The following MID1 variants were observed in gnomAD, a reference collection of about 807,000 sequenced individuals.
MID1 encodes E3 ubiquitin-protein ligase Midline-1.
A neutral mutation model predicts 40.4 loss-of-function variants in MID1; 7 were observed. The ratio of observed to expected loss-of-function variants is 0.17; its 90% CI spans 0.10 to 0.33. The LOEUF is 0.33. Ranked by LOEUF, MID1 falls within the 10% of genes least tolerant of loss-of-function variation. The pLI is 1.00. For missense variants in MID1, 367 were observed against 558.5 expected (o/e 0.66, Z 3.46); for synonymous variants, 229 against 221.2 (o/e 1.04, Z -0.31).
chrX:10,652,733 T>C (rs182551953), intron 1 of MID1, among the ~76,000 whole-genome samples: 149 of 111,647 alleles, frequency 1.3e-3, no homozygotes, highest in Non-Finnish European at 2.5e-3. Context: ...CCCCGTCAGT[T>C]CTTCACAGAC....
chrX:10,720,779 C>T (rs964264641), intron 1 of MID1, among the ~76,000 whole-genome samples: 1 of 110,401 alleles, frequency 9.1e-6, no homozygotes, highest in Non-Finnish European at 1.9e-5. Flanking sequence ...TTCACAATAG[C>T]AAAGACTTGG....
intron 8 of MID1, among the ~76,000 whole-genome samples, chrX:10,458,682 T>C (rs770585334): frequency 8.9e-6 from 1 of 111,885 alleles, no homozygotes; most frequent in South Asian, 3.8e-4. Flanking sequence ...AGCCACAGTC[T>C]TCTCATTCGT....
rs777441664 is a variant in MID1, at chrX:10,726,507, GAA to G, written c.-186-106090_-186-106089del. On this transcript the variant is annotated intron_variant, in intron 1 of 10. Transcript: ENST00000380785. ...TTAGTTGAGTGTTTCTTTCTCTGAG[GAA>G]AAAAAAAAACAGAATAAGAGATACA... Among the ~76,000 whole-genome samples the G allele has an allele frequency of 5.5e-4, 56 of 101,557 alleles. 1 individual carries two copies. Among genetic ancestry groups the G allele is most frequent in the African/African-American group, 1.8e-3 (52 of 28,460 alleles). 88.2% of individuals were successfully genotyped at this position (101,557 alleles called of 115,157 possible). A position where few individuals can be genotyped will look rare whatever the true frequency, so the allele number is the denominator to read the frequency against.
At chrX:10,820,683 G>T in intron 1 of MID1, among the ~76,000 whole-genome samples, 1 of 111,559 alleles carries the variant, frequency 9.0e-6, no homozygotes, top group South Asian at 3.7e-4. Flanking sequence ...CACTAATGGA[G>T]GTGCTGTGGC....
At chrX:10,590,944 CAATTT>C (rs1935284112) in intron 1 of MID1, among the ~76,000 whole-genome samples, 1 of 111,676 alleles carries the variant, frequency 9.0e-6, no homozygotes, top group Admixed American at 9.4e-5. Flanking sequence ...TCATTTTAAA[CAATTT>C]AATTCTCATT....
At chrX:10,564,206 A>G (rs1208535932) in intron 2 of MID1, among the ~76,000 whole-genome samples, 1 of 112,057 alleles carries the variant, frequency 8.9e-6, no homozygotes, top group Non-Finnish European at 1.9e-5. Flanking sequence ...CACATTTCAG[A>G]CCAAAGTAGT....
At position 10,590,868 on chromosome X, in the gene MID1, A is replaced by C. The variant is rs187989732; in HGVS notation, c.-56-23265T>G. Among the ~76,000 whole-genome samples the C allele has an allele frequency of 7.1e-5, 8 of 112,256 alleles. No individual in the cohort carries two copies. In the Admixed American group the frequency reaches 7.5e-4, roughly 11 times the overall value. Reference sequence around the variant, plus strand: ...CCTTATCCCCAAGGGAGTTGACTTAAGAGTTTTTTGTTGTTATTTTGCTTT... The same window carrying C: ...CCTTATCCCCAAGGGAGTTGACTTACGAGTTTTTTGTTGTTATTTTGCTTT... On this transcript the variant is annotated intron_variant, in intron 1 of 9. Transcript: ENST00000317552.
chrX:10,591,134 T>C (rs753037956), intron 1 of MID1, among the ~76,000 whole-genome samples: 5 of 112,281 alleles, frequency 4.5e-5, no homozygotes, highest in Non-Finnish European at 9.4e-5. Context: ...TTAAGAACAG[T>C]GAGCTTTCAA....
chrX:10,579,305 C>A (rs949913731), intron 1 of MID1, among the ~76,000 whole-genome samples: 2 of 111,803 alleles, frequency 1.8e-5, no homozygotes, highest in Non-Finnish European at 3.8e-5. Context: ...GAAAAGCTTG[C>A]CGCTTGGGGA....
intron 1 of MID1, among the ~76,000 whole-genome samples, chrX:10,816,267 A>T (rs927057716): frequency 4.5e-5 from 5 of 112,254 alleles, no homozygotes; most frequent in Admixed American, 3.8e-4. Flanking sequence ...ATATTGATAT[A>T]AACATAAACC....
intron 7 of MID1, among the ~76,000 whole-genome samples, chrX:10,461,562 A>G (rs1187973434): frequency 1.8e-5 from 2 of 111,746 alleles, no homozygotes; most frequent in Non-Finnish European, 3.8e-5. Context: ...ATAATGCCAC[A>G]GCCAAATATT....
At chrX:10,552,042 A>T (rs1022423044) in intron 2 of MID1, among the ~76,000 whole-genome samples, 5 of 110,872 alleles carry the variant, frequency 4.5e-5, no homozygotes, top group Non-Finnish European at 9.4e-5. Flanking sequence ...CTCCTGCCTC[A>T]GCCTCCCAAA....
At chrX:10,737,068 G>C (rs772277210) in intron 1 of MID1, among the ~76,000 whole-genome samples, 3 of 111,617 alleles carry the variant, frequency 2.7e-5, no homozygotes, top group Admixed American at 9.4e-5. Context: ...AAATACATAC[G>C]CACATTCTTA....
At chrX:10,453,995 T>C (rs1372587780) in intron 9 of MID1, among the ~76,000 whole-genome samples, 1 of 112,439 alleles carries the variant, frequency 8.9e-6, no homozygotes, top group Non-Finnish European at 1.9e-5. Flanking sequence ...TATGAGGGCT[T>C]GTTAAATAAA....
intron 3 of MID1, among the ~76,000 whole-genome samples, chrX:10,521,540 A>G (rs745965378): frequency 3.6e-5 from 4 of 111,467 alleles, no homozygotes; most frequent in African/African-American, 1.3e-4. Flanking sequence ...TTAAAAGTGT[A>G]ATGAATGATA....
chrX:10,758,052 T>C lies in MID1; in HGVS notation c.-187+75502A>G, dbSNP rs759576834. Among the ~76,000 whole-genome samples the C allele has an allele frequency of 2.7e-5, 3 of 109,533 alleles. No homozygotes were observed. In the East Asian group the frequency reaches 8.6e-4, roughly 32 times the overall value. On this transcript the variant is annotated intron_variant, in intron 1 of 10. Transcript: ENST00000380785. ...ATGATCTCCGCTTTGCAGCCTCCACTTCCCAGGCTCAAGTTATCCTTCCAC... is the reference window on the plus strand; with the variant it reads ...ATGATCTCCGCTTTGCAGCCTCCACCTCCCAGGCTCAAGTTATCCTTCCAC...
intron 2 of MID1, among the ~76,000 whole-genome samples, chrX:10,555,450 C>T (rs1380692820): frequency 5.4e-5 from 6 of 111,283 alleles, no homozygotes. Context: ...GATTGAGCTC[C>T]ATGGAGCTCT....
At chrX:10,598,066 T>C (rs1398789756) in intron 1 of MID1, among the ~76,000 whole-genome samples, 2 of 111,609 alleles carry the variant, frequency 1.8e-5, no homozygotes, top group Non-Finnish European at 3.8e-5. Flanking sequence ...TGTGCTGCCC[T>C]CTTGTGATGT....
intron 3 of MID1, among the ~76,000 whole-genome samples, chrX:10,519,791 T>C (rs1163138686): frequency 8.9e-6 from 1 of 112,010 alleles, no homozygotes; most frequent in Non-Finnish European, 1.9e-5. Context: ...TCCCTGGATA[T>C]TATCCTTGGA....
Sources: allele counts gnomAD v4.1 joint callset (sites outside exome capture counted in the v4.1 genomes callset), GRCh38; gene constraint gnomAD v4.1.1; transcripts MANE v1.5; gene names NCBI Gene and HGNC (gene_info 2026-07-23, HGNC 2026-07-21).